Variants in TANC2 observed in about 807,000 individuals in gnomAD.
TANC2 encodes tetratricopeptide repeat, ankyrin repeat and coiled-coil containing 2.
In TANC2, 26 loss-of-function variants were observed where a neutral mutation model predicts 210.5. The observed-to-expected ratio is 0.12, with a 90% CI of 0.09 to 0.17. TANC2 has a LOEUF of 0.17. TANC2 is among the 10% of genes least tolerant of loss of function. The pLI, the probability that TANC2 is intolerant of heterozygous loss-of-function variation, is 1.00. For synonymous variants in TANC2, 931 were observed against 967.1 expected, an observed-to-expected ratio of 0.96 and a Z score of 0.69; for missense variants, 2,129 against 2,608.9, an observed-to-expected ratio of 0.82 and a Z score of 4.01.
intron 2 of TANC2, among the ~76,000 whole-genome samples, chr17:63,044,132 C>T (rs566509931): frequency 7.9e-5 from 12 of 152,188 alleles, no homozygotes; most frequent in Non-Finnish European, 1.6e-4. Flanking sequence ...TCCATTAGTT[C>T]TCCAAATAAA....
chr17:63,164,977 T>C (rs1398510001), intron 5 of TANC2, among the ~76,000 whole-genome samples: 1 of 152,130 alleles, frequency 6.6e-6, no homozygotes, highest in African/African-American at 2.4e-5. Flanking sequence ...ACAAATAAAA[T>C]TAACCATCAG....
intron 4 of TANC2, among the ~76,000 whole-genome samples, chr17:63,118,776 ATTTTTTT>A (rs1162117818): frequency 1.6e-5 from 2 of 125,674 alleles, no homozygotes; most frequent in African/African-American, 6.1e-5. Context: ...TATCCAACTA[ATTTTTTT>A]TTTTTTTTTT....
chr17:62,976,356 C>T (rs1372179184), intron 1 of TANC2, among the ~76,000 whole-genome samples: 2 of 151,992 alleles, frequency 1.3e-5, no homozygotes, highest in Admixed American at 1.3e-4. Flanking sequence ...ACCCCTACCC[C>T]CAGCCAGTGC....
intron 25 of TANC2, among the ~76,000 whole-genome samples, chr17:63,414,521 A>T (rs1305787139): frequency 6.6e-6 from 1 of 152,136 alleles, no homozygotes; most frequent in Non-Finnish European, 1.5e-5. Context: ...TAGATGTCAT[A>T]TTTATGGACT....
At chr17:63,299,773 G>C (rs1401995488) in intron 9 of TANC2, among the ~76,000 whole-genome samples, 1 of 152,008 alleles carries the variant, frequency 6.6e-6, no homozygotes, top group Non-Finnish European at 1.5e-5. Flanking sequence ...CTGTGCAGAA[G>C]TTCTTTAGTT....
At chr17:63,170,982 T>G (rs966044237) in intron 5 of TANC2, among the ~76,000 whole-genome samples, 1 of 152,178 alleles carries the variant, frequency 6.6e-6, no homozygotes, top group African/African-American at 2.4e-5. Context: ...CATTTGGTGT[T>G]ACTCAATCTG....
intron 9 of TANC2, among the ~76,000 whole-genome samples, chr17:63,279,416 G>A (rs1294088384): frequency 6.8e-6 from 1 of 147,658 alleles, no homozygotes; most frequent in Non-Finnish European, 1.5e-5. Context: ...TAAGTAATTT[G>A]CAAAAGGTCA....
intron 4 of TANC2, among the ~76,000 whole-genome samples, chr17:63,112,152 C>CG (rs2038075035): frequency 6.6e-6 from 1 of 152,260 alleles, no homozygotes; most frequent in East Asian, 1.9e-4. Flanking sequence ...GTTGAATTGA[C>CG]GGTCCAGCAT....
chr17:62,985,199 A>G (rs768298392), intron 1 of TANC2, among the ~76,000 whole-genome samples: 1 of 147,600 alleles, frequency 6.8e-6, no homozygotes. Flanking sequence ...TCAATATATC[A>G]TCTCATTCTC....
At chr17:63,144,944 C>A (rs2039415350) in intron 4 of TANC2, among the ~76,000 whole-genome samples, 1 of 151,670 alleles carries the variant, frequency 6.6e-6, no homozygotes, top group Non-Finnish European at 1.5e-5. Flanking sequence ...TATGAATTAT[C>A]ATTTTTTTCC....
exon 28 of TANC2, chr17:63,423,726 C>A (rs994552288): frequency 5.9e-5 from 9 of 152,322 alleles, no homozygotes; most frequent in Non-Finnish European, 1.0e-4. Flanking sequence ...ACGGACCTCT[C>A]CACCCCCAAA....
chr17:63,058,652 A>G (rs994694285), intron 2 of TANC2, among the ~76,000 whole-genome samples: 1 of 152,048 alleles, frequency 6.6e-6, no homozygotes, highest in African/African-American at 2.4e-5. Context: ...CTAGCCACTT[A>G]TCTCAGCACC....
chr17:63,027,636 T>C (rs2144091231), intron 2 of TANC2, among the ~76,000 whole-genome samples: 1 of 152,220 alleles, frequency 6.6e-6, no homozygotes, highest in East Asian at 1.9e-4. Context: ...TGCTTCTGTT[T>C]TTTTGAGATA....
intron 4 of TANC2, among the ~76,000 whole-genome samples, chr17:63,108,725 C>G (rs1310698767): frequency 6.6e-6 from 1 of 151,582 alleles, no homozygotes; most frequent in Middle Eastern, 3.2e-3. Flanking sequence ...AGGAGAATCC[C>G]TTGAACCCGT....
At chr17:63,110,898 C>G (rs187135415) in intron 4 of TANC2, among the ~76,000 whole-genome samples, 1 of 152,158 alleles carries the variant, frequency 6.6e-6, no homozygotes, top group Non-Finnish European at 1.5e-5. Flanking sequence ...TGGTTGAAAC[C>G]GTGACTTTGC....
intron 4 of TANC2, among the ~76,000 whole-genome samples, chr17:63,136,824 C>G (rs1048620830): frequency 1.3e-5 from 2 of 152,122 alleles, no homozygotes; most frequent in Non-Finnish European, 2.9e-5. Context: ...GGCTTTCTGA[C>G]ACAAGGTATT....
At chr17:63,355,529 G>A in intron 14 of TANC2, 139 bp downstream of exon 14, 1 of 972,540 alleles carries the variant, frequency 1.0e-6, no homozygotes. Context: ...CTCAAGGCAA[G>A]GCTATAATGA....
At chr17:63,368,521 T>C (rs1316694275) in intron 14 of TANC2, among the ~76,000 whole-genome samples, 4 of 152,122 alleles carry the variant, frequency 2.6e-5, no homozygotes, top group Admixed American at 1.3e-4. Flanking sequence ...TATATTTAAA[T>C]GCTAAAAGAA....
At chr17:63,309,089 T>C (rs1029893525) in intron 9 of TANC2, among the ~76,000 whole-genome samples, 3 of 152,180 alleles carry the variant, frequency 2.0e-5, no homozygotes, top group African/African-American at 7.2e-5. Context: ...TCTATTTTAA[T>C]GTCTGTGTAA....
Sources: gnomAD v4.1 joint callset for allele counts (sites outside exome capture counted in the v4.1 genomes callset) on GRCh38, gnomAD v4.1.1 for gene constraint, MANE v1.5 for transcripts, NCBI Gene and HGNC (gene_info 2026-07-23, HGNC 2026-07-21) for gene names.